The following ANKFN1 variants were observed in gnomAD, a reference collection of about 807,000 sequenced individuals.
ANKFN1 encodes the protein ankyrin repeat and fibronectin type III domain containing 1.
In ANKFN1, 74 loss-of-function variants were observed where a neutral mutation model predicts 108.7. The observed-to-expected ratio is 0.68, with a 90% confidence interval of 0.56 to 0.83. ANKFN1 has a LOEUF of 0.83. Ranked by LOEUF, ANKFN1 falls within the 40% of genes least tolerant of loss-of-function variation. The pLI is 0.00. For synonymous variants in ANKFN1, 547 were observed against 516.2 expected, an observed-to-expected ratio of 1.06 and a Z score of -0.81; for missense variants, 1,505 against 1,382.3, an observed-to-expected ratio of 1.09 and a Z score of -1.41.
At chr17:56,345,805 C>A (rs576410558) in intron 4 of ANKFN1, among the ~76,000 whole-genome samples, 1 of 152,094 alleles carries the variant, frequency 6.6e-6, no homozygotes, top group Admixed American at 6.6e-5. Flanking sequence ...GTCAGAGGGG[C>A]AGATTGCAAA....
At chr17:56,228,070 C>A in intron 3 of ANKFN1, 113 bp downstream of exon 3, 1 of 813,878 alleles carries the variant, frequency 1.2e-6, no homozygotes. Flanking sequence ...TCTAGCTCAG[C>A]ACACACAGCC....
chr17:56,158,970 A>G (rs184165776), intron 1 of ANKFN1, among the ~76,000 whole-genome samples: 1 of 151,188 alleles, frequency 6.6e-6, no homozygotes, highest in East Asian at 2.0e-4. Context: ...TGCCCCATTA[A>G]CAAGATTCCC....
chr17:56,298,532 G>C (rs1208553857), intron 3 of ANKFN1, among the ~76,000 whole-genome samples: 1 of 152,036 alleles, frequency 6.6e-6, no homozygotes, highest in Non-Finnish European at 1.5e-5. Flanking sequence ...AATTTTCTCA[G>C]CTTCGCTGCT....
chr17:56,420,054 G>T (rs2048355332), intron 8 of ANKFN1, among the ~76,000 whole-genome samples: 1 of 152,000 alleles, frequency 6.6e-6, no homozygotes, highest in African/African-American at 2.4e-5. Flanking sequence ...TGTTACCTTG[G>T]TATATATAAT....
intron 2 of ANKFN1, 33 bp from the exon 3 acceptor site, chr17:56,227,884 T>G: frequency 1.3e-6 from 2 of 1,582,924 alleles, no homozygotes; most frequent in Non-Finnish European, 8.6e-7. Context: ...CTGTACAATT[T>G]TTTAACATTC....
At chr17:56,508,660 AATG>A (rs929597838) in intron 20 of ANKFN1, among the ~76,000 whole-genome samples, 4 of 152,212 alleles carry the variant, frequency 2.6e-5, no homozygotes, top group Non-Finnish European at 4.4e-5. Context: ...AAATAAATGA[AATG>A]ATGATAGAGT....
chr17:56,212,340 T>A (rs1035331397), intron 1 of ANKFN1, among the ~76,000 whole-genome samples: 40 of 152,192 alleles, frequency 2.6e-4, no homozygotes, highest in African/African-American at 9.4e-4. Context: ...GTGTATCACA[T>A]TTATTGACTT....
At chr17:56,079,688 A>G (rs1177752333) in intron 4 of ANKFN1, among the ~76,000 whole-genome samples, 1 of 152,244 alleles carries the variant, frequency 6.6e-6, no homozygotes, top group Non-Finnish European at 1.5e-5. Flanking sequence ...TGCTCTAGGC[A>G]GATAAAGAGT....
intron 8 of ANKFN1, among the ~76,000 whole-genome samples, chr17:56,386,569 G>T (rs1174673258): frequency 2.9e-5 from 4 of 136,442 alleles, no homozygotes; most frequent in Non-Finnish European, 4.6e-5. Context: ...AGATTATCTT[G>T]CATCTCATGA....
At chr17:56,400,956 T>C (rs1476032225) in intron 8 of ANKFN1, among the ~76,000 whole-genome samples, 5 of 152,202 alleles carry the variant, frequency 3.3e-5, no homozygotes, top group African/African-American at 1.2e-4. Flanking sequence ...GTACCTATTT[T>C]TATGCGAGTA....
chr17:56,367,910 A>G lies in ANKFN1; in HGVS notation c.602-4736A>G, dbSNP rs200323058. Reference sequence around the variant, plus strand: ...GATAACAATCAGGAAATTGTAATATATAAATAATAGGTTGATTTGTATTCT... The same window carrying G: ...GATAACAATCAGGAAATTGTAATATGTAAATAATAGGTTGATTTGTATTCT... On this transcript the variant is annotated intron_variant, in intron 6 of 20. Transcript: ENST00000682825. Among the ~76,000 whole-genome samples, 6 of 152,370 alleles carry G rather than the reference A, an allele frequency of 3.9e-5. No homozygotes were observed. The East Asian group carries it at 1.2e-3, about 29-fold the overall frequency.
chr17:56,187,585 G>GGT (rs1912342229), intron 1 of ANKFN1, among the ~76,000 whole-genome samples: 1 of 152,018 alleles, frequency 6.6e-6, no homozygotes, highest in South Asian at 2.1e-4. Context: ...CTCATTACTG[G>GGT]GTATATACCC....
chr17:56,330,356 A>G (rs776228740), intron 4 of ANKFN1, among the ~76,000 whole-genome samples: 18 of 152,114 alleles, frequency 1.2e-4, no homozygotes, highest in Non-Finnish European at 2.5e-4. Flanking sequence ...TTTATTCACT[A>G]CCATGAGAAT....
chr17:56,393,826 C>T (rs1183058101), intron 8 of ANKFN1, among the ~76,000 whole-genome samples: 1 of 152,152 alleles, frequency 6.6e-6, no homozygotes. Context: ...TTCTAGTCAC[C>T]ACAAATGCAG....
intron 4 of ANKFN1, among the ~76,000 whole-genome samples, chr17:56,068,841 G>A (rs1464023534): frequency 1.3e-5 from 2 of 152,106 alleles, no homozygotes; most frequent in Non-Finnish European, 2.9e-5. Context: ...GTAGAGAGTA[G>A]GTGTTAAATA....
intron 1 of ANKFN1, among the ~76,000 whole-genome samples, chr17:56,169,027 C>T (rs1910407377): frequency 6.6e-6 from 1 of 151,998 alleles, no homozygotes; most frequent in Non-Finnish European, 1.5e-5. Context: ...GAGGAATGAT[C>T]CAGAAGGCAG....
At chr17:56,317,237 G>A (rs1412948316) in intron 3 of ANKFN1, among the ~76,000 whole-genome samples, 1 of 152,066 alleles carries the variant, frequency 6.6e-6, no homozygotes, top group African/African-American at 2.4e-5. Flanking sequence ...GAAAACTGAA[G>A]GTGTTTTTAA....
chr17:56,262,979 C>A (rs536158387), intron 3 of ANKFN1, among the ~76,000 whole-genome samples: 18 of 152,284 alleles, frequency 1.2e-4, no homozygotes, highest in Non-Finnish European at 2.4e-4. Flanking sequence ...TGAATTATGT[C>A]TGTGGCTTAT....
chr17:56,287,883 G>A (rs970651401), intron 3 of ANKFN1, among the ~76,000 whole-genome samples: 2 of 152,152 alleles, frequency 1.3e-5, no homozygotes, highest in African/African-American at 2.4e-5. Flanking sequence ...ACAGTGTGGG[G>A]ATGGGTGCTA....
Sources: gnomAD v4.1 joint callset for allele counts (sites outside exome capture counted in the v4.1 genomes callset) on GRCh38, gnomAD v4.1.1 for gene constraint, MANE v1.5 for transcripts, NCBI Gene and HGNC (gene_info 2026-07-23, HGNC 2026-07-21) for gene names.